The following MSLN variants were observed in gnomAD, a reference collection of about 807,000 sequenced individuals.
MSLN encodes mesothelin, also known as CAK1 antigen.
In MSLN, 82 loss-of-function variants were observed where a neutral mutation model predicts 72.6. The ratio of observed to expected loss-of-function variants is 1.13; its 90% CI spans 0.94 to 1.36. The LOEUF (loss-of-function observed/expected upper bound fraction) is 1.36, where lower values mean the gene tolerates loss of function less well. MSLN is among the 40% of genes most tolerant of loss of function. MSLN has a pLI of 0.00. For synonymous variants in MSLN, 456 were observed against 387.3 expected, an observed-to-expected ratio of 1.18 and a Z score of -2.08; for missense variants, 1,005 against 847.9, an observed-to-expected ratio of 1.19 and a Z score of -2.30.
chr16:766,175 C>G lies in MSLN; in HGVS notation c.1012C>G (p.Arg338Gly). 1 of 1,612,658 alleles carries G rather than the reference C, an allele frequency of 6.2e-7. No homozygotes were observed. Among genetic ancestry groups the G allele is most frequent in the South Asian group, 1.1e-5 (1 of 91,088 alleles). ...DAALLATQMDRVNAIPFTYEQ... is the reference protein window; with the variant it reads ...DAALLATQMDGVNAIPFTYEQ... The stretch of plus-strand genomic sequence containing the variant: ...GGCCCTGCTGGCCACCCAGATGGAC[C>G]GCGTGAACGCCATCCCCTTCACCTA... Residue 338 changes from arginine to glycine, a missense_variant, in exon 12 of 18, where the codon CGC (arginine) becomes GGC (glycine). Transcript: ENST00000545450.
In MSLN at chr16:768,467, G is replaced by GGATCCTACGGCAGC; in HGVS notation, c.1687_1700dup (p.Gln568SerfsTer27). ...GAGCGGCACCGCCCGGTGCGGGACT[G>GGATCCTACGGCAGC]GATCCTACGGCAGCGGCAGGACGAC... On this transcript the variant is annotated frameshift_variant, in exon 17 of 18. Coordinates refer to ENST00000545450, the MANE Select transcript of MSLN (RefSeq NM_005823.6). LOFTEE classifies it high-confidence loss of function. The GGATCCTACGGCAGC allele has an allele frequency of 6.4e-7, 1 of 1,565,978 alleles. No individual in the cohort carries two copies.
intron 2 of MSLN, among the ~76,000 whole-genome samples, chr16:761,806 C>T (rs974549602): frequency 5.3e-5 from 8 of 152,246 alleles, no homozygotes; most frequent in Non-Finnish European, 7.3e-5. Context: ...GGCTGCTGAG[C>T]ATGAGCGTGT....
chr16:763,531 C>A, intron 4 of MSLN, 111 bp from the exon 5 acceptor site: 1 of 1,113,334 alleles, frequency 9.0e-7, no homozygotes, highest in Non-Finnish European at 1.3e-6. Flanking sequence ...CACAGCCAGG[C>A]CTGGGAAGTA....
intron 6 of MSLN, among the ~76,000 whole-genome samples, 170 bp from the exon 7 acceptor site, chr16:764,477 G>A (rs1289332531): frequency 6.6e-6 from 1 of 152,168 alleles, no homozygotes; most frequent in African/African-American, 2.4e-5. Flanking sequence ...AGCCAGGCAC[G>A]GGAGCCCCCA....
At chr16:768,114 G>T (rs970538420) in intron 16 of MSLN, among the ~76,000 whole-genome samples, 16 of 137,080 alleles carry the variant, frequency 1.2e-4, no homozygotes, top group Middle Eastern at 3.5e-3. Flanking sequence ...GCGCATGGAG[G>T]AGGGGCCAAC....
At position 763,641 on chromosome 16, in the gene MSLN, G is replaced by A. The variant is rs575669477; in HGVS notation, c.130-1G>A. 8.7e-6 allele frequency: 14 copies of A among 1,600,544 alleles called. No homozygotes were observed. In the South Asian group the frequency reaches 1.5e-4, roughly 18 times the overall value. ...ATGTTCAGCAGGCCCTGTGTCCCCA[G>A]GAGGCTGCGCCCCTGGACGGAGTCC... On this transcript the variant is annotated splice_acceptor_variant, in intron 4 of 17. Coordinates refer to ENST00000545450, the MANE Select transcript of MSLN (RefSeq NM_005823.6). LOFTEE classifies it high-confidence loss of function.
rs951956160 is a variant in MSLN, at chr16:763,362, G to A, written c.129+86G>A. On this transcript the variant is annotated intron_variant, in intron 4 of 17. Coordinates refer to ENST00000545450, the MANE Select transcript of MSLN (RefSeq NM_005823.6). ...TGTGTTCTCTCTGTCACGTATCCACGGTGCTTGCCAGTTTCCACGGTCCTT... is the reference window on the plus strand; with the variant it reads ...TGTGTTCTCTCTGTCACGTATCCACAGTGCTTGCCAGTTTCCACGGTCCTT... 77 of 1,183,928 alleles carry A rather than the reference G, an allele frequency of 6.5e-5. 1 individual carries two copies. In the Middle Eastern group the frequency reaches 1.1e-3, roughly 18 times the overall value. The allele number at this position is 1,183,928 out of a possible 1,614,324, so 73.3% of individuals were successfully genotyped here.
rs1352343429 is a variant in MSLN, at chr16:767,471, G to A, written c.1596+1G>A. The stretch of plus-strand genomic sequence containing the variant: ...GAAGCTGCGGACGGATGCGGTGCTG[G>A]TATGGCGAGCGGGAGGAGGGGCGTG... On this transcript the variant is annotated splice_donor_variant, in intron 16 of 17. Transcript: ENST00000545450. LOFTEE classifies it high-confidence loss of function. 4 of 1,576,700 alleles carry A rather than the reference G, an allele frequency of 2.5e-6. No individual in the cohort carries two copies. The highest frequency in any genetic ancestry group is 3.4e-6 in the Non-Finnish European group (4 of 1,164,282).
chr16:762,935 AGGGAGTGATGGGGCTCAG>A (rs2041554866), intron 3 of MSLN, among the ~76,000 whole-genome samples, 170 bp downstream of exon 3: 1 of 152,182 alleles, frequency 6.6e-6, no homozygotes, highest in Non-Finnish European at 1.5e-5. Context: ...AGATCCAGCC[AGGGAGTGATGGGGCTCAG>A]GACACAGTGG....
rs1567355689 is a variant in MSLN, at chr16:763,768, A to ATTCCCCAGCATCCCATCCCCCGTCCCC, written c.179+78_179+79insTCCCCAGCATCCCATCCCCCGTCCCCT. ...GGACTGAGGGTGGGCAGGGCACCCC[A>ATTCCCCAGCATCCCATCCCCCGTCCCC]TCCCCCAGCATCCCCTCCCCCTTCC... is the stretch of plus-strand genomic sequence containing the variant. On this transcript the variant is annotated intron_variant, in intron 5 of 17. Coordinates refer to ENST00000545450, the MANE Select transcript of MSLN (RefSeq NM_005823.6). 2.6e-4 allele frequency: 34 copies of ATTCCCCAGCATCCCATCCCCCGTCCCC among 131,258 alleles called. No homozygotes were observed. The Admixed American group carries it at 0.018, about 69-fold the overall frequency. The allele number at this position is 131,258 out of a possible 1,614,324, so 8.1% of individuals were successfully genotyped here. A position where few individuals can be genotyped will look rare whatever the true frequency, so the allele number is the denominator to read the frequency against.
intron 7 of MSLN, 49 bp from the exon 8 acceptor site, chr16:764,858 G>C (rs773551294): frequency 1.6e-5 from 25 of 1,601,308 alleles, no homozygotes; most frequent in Middle Eastern, 1.7e-4. Context: ...TCTCAGGGTG[G>C]GGACGGGTGT....
chr16:765,360 G>A (rs1463130444), intron 9 of MSLN, 57 bp downstream of exon 9: 18 of 1,478,938 alleles, frequency 1.2e-5, no homozygotes, highest in Middle Eastern at 1.9e-4. Context: ...TATCAGCAGC[G>A]TGAGGACACT....
intron 4 of MSLN, 37 bp downstream of exon 4, chr16:763,313 AG>A: frequency 6.7e-7 from 1 of 1,484,804 alleles, no homozygotes; most frequent in Non-Finnish European, 9.1e-7. Context: ...GAGGGTCTTC[AG>A]GTCCCAGGTG....
rs769413051 is a variant in MSLN, at chr16:765,276, C to T, written c.677C>T (p.Ala226Val). The change falls in exon 9 of 18, where the codon GCT becomes GTT. Residue 226 changes from alanine (A) to valine (V), a missense_variant. Transcript: ENST00000545450. ...GACCAGCAGGAGGCAGCCAGGGCGG[C>T]TCTGCAGGGCGGGGGACCCCCCTAC... ...DQDQQEAARA[A>V]LQGGGPPYGP... is the part of the protein sequence containing the mutation. 1.9e-6 allele frequency: 3 copies of T among 1,582,520 alleles called. No individual in the cohort carries two copies. In the East Asian group the frequency reaches 6.8e-5, roughly 36 times the overall value.
intron 11 of MSLN, 28 bp from the exon 12 acceptor site, chr16:766,031 C>T (rs1440625217): frequency 3.2e-6 from 5 of 1,576,572 alleles, no homozygotes; most frequent in East Asian, 2.3e-5. Flanking sequence ...GAACTCCGGC[C>T]CTGACCCCTG....
At position 768,776 on chromosome 16, in the gene MSLN, C is replaced by A; in HGVS notation, c.*43C>A. ...TGGCCCCAGCCCTGCTGGGGATCCC[C>A]GCCTGGCCAGGAGCAGGCACGGGTG... On this transcript the variant is annotated 3_prime_UTR_variant, in exon 18 of 18. Transcript: ENST00000545450. The A allele has an allele frequency of 1.9e-6, 3 of 1,594,874 alleles. No individual in the cohort carries two copies. The highest frequency in any genetic ancestry group is 2.6e-6 in the Non-Finnish European group (3 of 1,168,714).
rs757426425 is a variant in MSLN, at chr16:766,696, AGGGAAG to A, written c.1263_1268del (p.Arg422_Gly423del). The A allele has an allele frequency of 3.7e-6, 6 of 1,612,412 alleles. No individual in the cohort carries two copies. The Admixed American group carries it at 6.7e-5, about 18-fold the overall frequency. ...GCCACCCTGATCGACCGCTTTGTGA[AGGGAAG>A]GGGCCAGCTAGACAAAGACACCCTA... On this transcript the variant is annotated inframe_deletion, in exon 14 of 18. Coordinates refer to ENST00000545450, the MANE Select transcript of MSLN (RefSeq NM_005823.6).
chr16:765,562 C>G lies in MSLN; in HGVS notation c.740C>G (p.Ala247Gly). 1.9e-6 allele frequency: 3 copies of G among 1,606,876 alleles called. No homozygotes were observed. Among genetic ancestry groups the G allele is most frequent in the Non-Finnish European group, 2.5e-6 (3 of 1,179,434 alleles). ...ACATGGTCTGTCTCCACGATGGACGCTCTGCGGGGCCTGCTGCCCGTGCTG... is the reference window on the plus strand; with the variant it reads ...ACATGGTCTGTCTCCACGATGGACGGTCTGCGGGGCCTGCTGCCCGTGCTG... ...PSTWSVSTMDALRGLLPVLGQ... is the reference protein window; with the variant it reads ...PSTWSVSTMDGLRGLLPVLGQ... Residue 247 changes from alanine to glycine, a missense_variant, in exon 10 of 18, where the codon GCT (alanine) becomes GGT (glycine). Ala to Gly is a moderately conservative substitution (Grantham distance 60). Coordinates refer to ENST00000545450, the MANE Select transcript of MSLN (RefSeq NM_005823.6).
intron 3 of MSLN, 107 bp downstream of exon 3, chr16:762,872 G>C: frequency 3.2e-6 from 3 of 932,846 alleles, no homozygotes. Flanking sequence ...TGGAGTGCCT[G>C]TGGTGGCCAC....
Sources: allele counts gnomAD v4.1 joint callset (sites outside exome capture counted in the v4.1 genomes callset), GRCh38; gene constraint gnomAD v4.1.1; transcripts MANE v1.5; gene names NCBI Gene and HGNC (gene_info 2026-07-23, HGNC 2026-07-21).